Variants in ARFGEF3 observed in about 807,000 individuals in gnomAD.
The protein encoded by ARFGEF3 is brefeldin A-inhibited guanine nucleotide-exchange protein 3.
In ARFGEF3, 96 loss-of-function variants were observed where a neutral mutation model predicts 221.7. The observed-to-expected ratio is 0.43, with a 90% CI of 0.37 to 0.51. ARFGEF3 has a LOEUF of 0.51. Among genes scored for constraint, ARFGEF3 ranks in the 20% least tolerant of loss-of-function variants. The pLI is 0.00. For missense variants in ARFGEF3, 2,410 were observed against 2,789.9 expected (o/e 0.86, Z 3.07); for synonymous variants, 1,145 against 1,126.8 (o/e 1.02, Z -0.32).
At chr6:138,298,880 T>G in intron 22 of ARFGEF3, 95 bp downstream of exon 22, 1 of 918,490 alleles carries the variant, frequency 1.1e-6, no homozygotes, top group South Asian at 1.7e-5. Flanking sequence ...CTCTTTCCAA[T>G]AATCCTATGT....
Position 138,245,382 on chromosome 6 carries a change from G to T in ARFGEF3, c.587-131G>T, listed in dbSNP as rs1204324394. 7 of 678,884 alleles carry T rather than the reference G, an allele frequency of 1.0e-5. No homozygotes were observed. In the East Asian group the frequency reaches 1.6e-4, roughly 16 times the overall value. 42.1% of individuals were successfully genotyped at this position (678,884 alleles called of 1,614,324 possible). ...TGATCATCACTTTGGTGGCCTAAGG[G>T]CTTCTCCACATCTGAAAATCATCTT... is the stretch of plus-strand genomic sequence containing the variant. On this transcript the variant is annotated intron_variant, in intron 7 of 33. Transcript: ENST00000251691.
At chr6:138,264,428 C>T (rs572765680) in intron 12 of ARFGEF3, among the ~76,000 whole-genome samples, 1 of 152,242 alleles carries the variant, frequency 6.6e-6, no homozygotes, top group African/African-American at 2.4e-5. Flanking sequence ...GTCATCTGTG[C>T]CTTTCCCTCA....
rs1347063551 is a variant in ARFGEF3, at chr6:138,296,936, T to C, written c.3629T>C (p.Val1210Ala). 6 of 1,613,360 alleles carry C rather than the reference T, an allele frequency of 3.7e-6. No individual in the cohort carries two copies. Among genetic ancestry groups the C allele is most frequent in the Non-Finnish European group, 5.1e-6 (6 of 1,179,666 alleles). Residue 1210 changes from valine to alanine, a missense_variant, in exon 21 of 34, where the codon GTG (valine) becomes GCG (alanine). This residue lies in a region of ARFGEF3 where 723 missense variants were observed against 991.9 expected (regional missense o/e 0.73). Transcript: ENST00000251691. The stretch of plus-strand genomic sequence containing the variant: ...CACGTGATGCGCTGCTGGAGCCTTG[T>C]GGCCCCACACCTGGTGGAGGTGAGC... ...LLHVMRCWSL[V>A]APHLVEAACH...
Position 138,186,902 on chromosome 6 carries a change from CTTTTTT to C in ARFGEF3, c.137+16214_137+16219del, listed in dbSNP as rs71693484. 8.5e-3 allele frequency among the ~76,000 whole-genome samples: 645 copies of C among 76,152 alleles called. 8 individuals are homozygous for C. The highest frequency in any genetic ancestry group is 0.066 in the Middle Eastern group (5 of 76). 50.0% of individuals were successfully genotyped at this position (76,152 alleles called of 152,430 possible). ...ACGAGTTATTCCTCTCATCCTTTTT[CTTTTTT>C]TTTTTTTTTTTTTTTTTTTTTTTTG... On this transcript the variant is annotated intron_variant, in intron 2 of 33. Coordinates refer to ENST00000251691, the MANE Select transcript of ARFGEF3 (RefSeq NM_020340.5).
At chr6:138,259,533 G>A (rs1324733099) in intron 10 of ARFGEF3, among the ~76,000 whole-genome samples, 1 of 152,194 alleles carries the variant, frequency 6.6e-6, no homozygotes, top group Non-Finnish European at 1.5e-5. Context: ...TGAAGAAGCT[G>A]AGATTAAAAC....
chr6:138,335,083 C>A lies in ARFGEF3; in HGVS notation c.6237C>A (p.Ser2079=). The change falls in exon 33 of 34, where the codon TCC becomes TCA. Residue 2079 remains serine, a synonymous_variant. Transcript: ENST00000251691. ...TGGACCAAGGGCAAATGCGGCATTC[C>A]TTCAGCGCAGGCCCCGAGCTGCTGC... ...HLMDQGQMRH[S]FSAGPELLRQ... is the part of the protein sequence containing the mutation. 1 of 1,600,648 alleles carries A rather than the reference C, an allele frequency of 6.2e-7. No homozygotes were observed. The highest frequency in any genetic ancestry group is 2.3e-5 in the East Asian group (1 of 44,286).
At chr6:138,229,570 T>C (rs1344319733) in intron 4 of ARFGEF3, among the ~76,000 whole-genome samples, 1 of 152,186 alleles carries the variant, frequency 6.6e-6, no homozygotes, top group East Asian at 1.9e-4. Flanking sequence ...GGGGAGAGAT[T>C]AGCAGCCTTT....
chr6:138,286,705 G>C lies in ARFGEF3; in HGVS notation c.2574G>C (p.Val858=). Residue 858 remains valine (V), a synonymous_variant, in exon 16 of 34, where the codon GTG becomes GTC. Transcript: ENST00000251691. The part of the protein sequence containing the change: ...RRIDDSTVAG[V]AFARYILVGC... ...ACACACCCCTCCATGTTCCAGGCGT[G>C]GCATTTGCTCGCTATATTCTGGTGG... The C allele has an allele frequency of 6.2e-7, 1 of 1,613,972 alleles. No homozygotes were observed. Among genetic ancestry groups the C allele is most frequent in the Non-Finnish European group, 8.5e-7 (1 of 1,179,874 alleles).
chr6:138,291,912 C>G lies in ARFGEF3; in HGVS notation c.3227C>G (p.Ala1076Gly). Reference sequence around the variant, plus strand: ...GAGCAGGGGCGCTCCCTGAGCACGGCCCCTGTCGTCCAGCCCCTGTCCATC... The same window carrying G: ...GAGCAGGGGCGCTCCCTGAGCACGGGCCCTGTCGTCCAGCCCCTGTCCATC... ...SPEQGRSLST[A>G]PVVQPLSIQD... Residue 1076 changes from alanine (A) to glycine (G), a missense_variant, in exon 19 of 34, where the codon GCC becomes GGC. Ala to Gly is a moderately conservative substitution (Grantham distance 60, BLOSUM62 0). Around this residue, in one of 5 missense-constraint regions of ARFGEF3, gnomAD observed 184 missense variants for 141.8 expected, o/e 1.30. Coordinates refer to ENST00000251691, the MANE Select transcript of ARFGEF3 (RefSeq NM_020340.5). This position sits in a 1 kb window ranked among gnomAD's most constrained non-coding sequence, Gnocchi z 4.5. 1 of 1,488,372 alleles carries G rather than the reference C, an allele frequency of 6.7e-7. No homozygotes were observed. The allele number at this position is 1,488,372 out of a possible 1,614,324, so 92.2% of individuals were successfully genotyped here.
chr6:138,332,776 C>T (rs1780250750), intron 32 of ARFGEF3, among the ~76,000 whole-genome samples: 1 of 152,012 alleles, frequency 6.6e-6, no homozygotes, highest in African/African-American at 2.4e-5. Flanking sequence ...GTATATTTTA[C>T]CACAAAAAAA....
intron 14 of ARFGEF3, among the ~76,000 whole-genome samples, chr6:138,281,490 A>G (rs1226568055): frequency 2.0e-5 from 3 of 152,080 alleles, no homozygotes; most frequent in Non-Finnish European, 2.9e-5. Flanking sequence ...TGCAGTCCCC[A>G]GTATCTGTTG....
At chr6:138,197,206 C>T (rs2114478247) in intron 2 of ARFGEF3, among the ~76,000 whole-genome samples, 1 of 152,262 alleles carries the variant, frequency 6.6e-6, no homozygotes, top group Non-Finnish European at 1.5e-5. Flanking sequence ...CCTAGACCTA[C>T]ACAGGGTCAG....
chr6:138,178,839 C>T (rs1377424723), intron 2 of ARFGEF3, among the ~76,000 whole-genome samples: 5 of 152,146 alleles, frequency 3.3e-5, no homozygotes, highest in Admixed American at 6.5e-5. Flanking sequence ...CTGAGAAGGT[C>T]GGTCTAAAGA....
At chr6:138,259,855 A>G (rs557675278) in intron 10 of ARFGEF3, among the ~76,000 whole-genome samples, 1 of 152,298 alleles carries the variant, frequency 6.6e-6, no homozygotes, top group South Asian at 2.1e-4. Context: ...CGGAGGTTGC[A>G]GTGAGCCAAG....
chr6:138,281,303 TTCTC>T (rs1779191622), intron 14 of ARFGEF3, among the ~76,000 whole-genome samples: 1 of 152,054 alleles, frequency 6.6e-6, no homozygotes, highest in Non-Finnish European at 1.5e-5. Flanking sequence ...CATGTGATAG[TTCTC>T]TCTCTATATA....
intron 4 of ARFGEF3, among the ~76,000 whole-genome samples, chr6:138,229,262 C>T (rs570675698): frequency 1.3e-5 from 2 of 152,166 alleles, no homozygotes; most frequent in Non-Finnish European, 2.9e-5. Flanking sequence ...GGCTTTGCCT[C>T]GTGAGTGAGC....
intron 25 of ARFGEF3, among the ~76,000 whole-genome samples, chr6:138,311,989 C>T (rs942534632): frequency 1.3e-5 from 2 of 152,094 alleles, no homozygotes; most frequent in Non-Finnish European, 2.9e-5. Context: ...AATCCCGTCT[C>T]TAGTAATAAT....
In ARFGEF3 at chr6:138,265,138, T is replaced by C. The variant is rs1145974; in HGVS notation, c.2128+1527T>C. Among the ~76,000 whole-genome samples the C allele has an allele frequency of 6.1e-3, 933 of 152,110 alleles. 5 individuals carry two copies. The highest frequency in any genetic ancestry group is 0.01 in the Middle Eastern group (3 of 292). On this transcript the variant is annotated intron_variant, in intron 12 of 33. Coordinates refer to ENST00000251691, the MANE Select transcript of ARFGEF3 (RefSeq NM_020340.5). ...CAGGATGGTCTCGATCTCCTGACCT[T>C]GTGATCCGCCCGCCTTGGCCTCCCA... is the stretch of plus-strand genomic sequence containing the variant.
At chr6:138,314,842 A>G (rs1054320195) in intron 26 of ARFGEF3, among the ~76,000 whole-genome samples, 1 of 152,224 alleles carries the variant, frequency 6.6e-6, no homozygotes, top group Admixed American at 6.5e-5. Flanking sequence ...CATAAGAATG[A>G]GCATCTATTT....
Sources: gnomAD v4.1 joint callset for allele counts (sites outside exome capture counted in the v4.1 genomes callset) on GRCh38, gnomAD v4.1.1 for gene constraint, gnomAD v4.1.1 regional missense constraint, Gnocchi (gnomAD v3.1) non-coding constraint, MANE v1.5 for transcripts, NCBI Gene and HGNC (gene_info 2026-07-23, HGNC 2026-07-21) for gene names.